ROBO1: variants seen among roughly 807,000 people sequenced by gnomAD.
The protein encoded by ROBO1 is roundabout homolog 1.
ROBO1 carries 149 observed loss-of-function variants against 195.9 expected under a neutral mutation model. The ratio of observed to expected loss-of-function variants is 0.76; its 90% CI spans 0.67 to 0.87. The LOEUF is 0.87. ROBO1 is among the 40% of genes least tolerant of loss of function. The probability of loss-of-function intolerance (pLI) is 0.00; values close to 1 mark genes in which losing one functional copy is unlikely to be tolerated. For missense variants in ROBO1, 1,933 were observed against 2,068.3 expected (o/e 0.93, Z 1.27); for synonymous variants, 816 against 733.2 (o/e 1.11, Z -1.82).
intron 3 of ROBO1, among the ~76,000 whole-genome samples, chr3:78,964,801 G>GT (rs146761550): frequency 0.053 from 7,618 of 143,596 alleles, 307 homozygotes; most frequent in African/African-American, 0.095. Flanking sequence ...CAAGCTTAGG[G>GT]TTTTTTTTTT....
At chr3:78,814,136 A>T (rs2084828088) in intron 4 of ROBO1, among the ~76,000 whole-genome samples, 1 of 151,934 alleles carries the variant, frequency 6.6e-6, no homozygotes. Context: ...TTACTCTTCA[A>T]CAGCTTGAAC....
rs548270142 is a variant in ROBO1, at chr3:79,174,369, G to A, written c.89-48830C>T. 1.2e-3 allele frequency among the ~76,000 whole-genome samples: 183 copies of A among 151,924 alleles called. 1 individual carries two copies. Among genetic ancestry groups the A allele is most frequent in the African/African-American group, 4.2e-3 (172 of 41,438 alleles). Reference sequence around the variant, plus strand: ...TCCGCAGCTTTACTCCTGAGCCAGCGAAACCACGAACCCACCACAAGGAAG... The same window carrying A: ...TCCGCAGCTTTACTCCTGAGCCAGCAAAACCACGAACCCACCACAAGGAAG... On this transcript the variant is annotated intron_variant, in intron 2 of 30. Transcript: ENST00000464233.
chr3:79,023,967 C>T (rs1215228019), intron 3 of ROBO1, among the ~76,000 whole-genome samples: 1 of 151,750 alleles, frequency 6.6e-6, no homozygotes, highest in African/African-American at 2.4e-5. Flanking sequence ...ACCTCAGCCT[C>T]CCAAAGTGCT....
intron 2 of ROBO1, among the ~76,000 whole-genome samples, chr3:79,221,077 A>G (rs2082129596): frequency 6.6e-6 from 1 of 152,098 alleles, no homozygotes. Context: ...GCTTCAGTTA[A>G]TACTCTGAAA....
intron 2 of ROBO1, among the ~76,000 whole-genome samples, chr3:79,236,192 G>A (rs2082404127): frequency 6.6e-6 from 1 of 152,090 alleles, no homozygotes; most frequent in South Asian, 2.1e-4. Context: ...TAATAAAAAT[G>A]AAATAAATCA....
intron 22 of ROBO1, among the ~76,000 whole-genome samples, 151 bp from the exon 23 acceptor site, chr3:78,636,259 CAT>C (rs1365835817): frequency 6.6e-6 from 1 of 152,098 alleles, no homozygotes; most frequent in Non-Finnish European, 1.5e-5. Flanking sequence ...CAAATATCCA[CAT>C]GTGCTTTCTA....
intron 2 of ROBO1, among the ~76,000 whole-genome samples, chr3:79,299,004 G>A (rs1055788259): frequency 6.6e-6 from 1 of 152,018 alleles, no homozygotes; most frequent in Non-Finnish European, 1.5e-5. Flanking sequence ...TCATTGTATT[G>A]AGAATACTTC....
intron 10 of ROBO1, 141 bp from the exon 11 acceptor site, chr3:78,670,442 C>G: frequency 1.5e-6 from 1 of 675,148 alleles, no homozygotes; most frequent in Non-Finnish European, 2.5e-6. Context: ...ATGCATTATT[C>G]AAAATGCATT....
chr3:79,003,578 A>G (rs972077689), intron 3 of ROBO1, among the ~76,000 whole-genome samples: 4 of 152,076 alleles, frequency 2.6e-5, no homozygotes, highest in African/African-American at 9.7e-5. Flanking sequence ...TATTATCTCA[A>G]TTTTAATGAT....
intron 2 of ROBO1, among the ~76,000 whole-genome samples, chr3:79,494,782 GTATTTGAATCCAC>G (rs1313827485): frequency 2.9e-4 from 44 of 152,100 alleles, no homozygotes. Context: ...TATTAAATGA[GTATTTGAATCCAC>G]AAGTTGAAAA....
chr3:79,307,318 AC>A (rs1432512409), intron 2 of ROBO1, among the ~76,000 whole-genome samples: 1 of 151,984 alleles, frequency 6.6e-6, no homozygotes, highest in African/African-American at 2.4e-5. Flanking sequence ...TGAAATAAAA[AC>A]CCTATGCATT....
chr3:79,519,192 G>A (rs956760395), intron 2 of ROBO1, among the ~76,000 whole-genome samples: 1 of 152,178 alleles, frequency 6.6e-6, no homozygotes, highest in Admixed American at 6.5e-5. Flanking sequence ...GTAGAGGGAA[G>A]AGATGATAAG....
At chr3:79,106,804 G>C in intron 3 of ROBO1, among the ~76,000 whole-genome samples, 1 of 151,674 alleles carries the variant, frequency 6.6e-6, no homozygotes, top group East Asian at 1.9e-4. Flanking sequence ...TTCATTATCT[G>C]AGTATCCAAA....
At chr3:79,351,044 A>G (rs2035320793) in intron 2 of ROBO1, among the ~76,000 whole-genome samples, 1 of 152,014 alleles carries the variant, frequency 6.6e-6, no homozygotes, top group South Asian at 2.1e-4. Context: ...TTATAGTGAA[A>G]TTTTCCCATG....
chr3:78,889,479 C>T (rs753140940), intron 4 of ROBO1, among the ~76,000 whole-genome samples: 2 of 152,152 alleles, frequency 1.3e-5, no homozygotes, highest in Non-Finnish European at 2.9e-5. Flanking sequence ...CTCATAGAAA[C>T]GTGATTTTCA....
chr3:78,816,261 G>A (rs1576222395), intron 4 of ROBO1, among the ~76,000 whole-genome samples: 1 of 152,240 alleles, frequency 6.6e-6, no homozygotes, highest in African/African-American at 2.4e-5. Flanking sequence ...CAGTACATCT[G>A]TTTATAGAAT....
In ROBO1 at chr3:78,842,308, TTATA is replaced by T. The variant is rs1235429238; in HGVS notation, c.500-95412_500-95409del. ...TTATATATATGAGCCATATATATAT[TTATA>T]TATATGAGCCATATATATTTTTATA... On this transcript the variant is annotated intron_variant, in intron 4 of 30. Transcript: ENST00000464233. 2.6e-4 allele frequency among the ~76,000 whole-genome samples: 34 copies of T among 132,634 alleles called. 1 individual carries two copies. Among genetic ancestry groups the T allele is most frequent in the East Asian group, 1.0e-3 (5 of 4,852 alleles). The allele number at this position is 132,634 out of a possible 152,430, so 87.0% of individuals were successfully genotyped here.
chr3:78,881,753 G>T (rs1318270250), intron 4 of ROBO1, among the ~76,000 whole-genome samples: 1 of 152,188 alleles, frequency 6.6e-6, no homozygotes, highest in Non-Finnish European at 1.5e-5. Context: ...GGCAAGGATG[G>T]AAAGAGAAAT....
At chr3:78,896,017 A>C (rs1311449226) in intron 4 of ROBO1, among the ~76,000 whole-genome samples, 2 of 152,222 alleles carry the variant, frequency 1.3e-5, no homozygotes, top group African/African-American at 4.8e-5. Context: ...ACATATCATC[A>C]ACTACACAAG....
Sources: allele counts gnomAD v4.1 joint callset (sites outside exome capture counted in the v4.1 genomes callset), GRCh38; gene constraint gnomAD v4.1.1; transcripts MANE v1.5; gene names NCBI Gene and HGNC (gene_info 2026-07-23, HGNC 2026-07-21).